Variants in PTPRK observed in about 807,000 individuals in gnomAD.
The protein encoded by PTPRK is receptor-type tyrosine-protein phosphatase kappa.
Under a neutral mutation model 178.0 loss-of-function variants are expected in PTPRK, and 75 were observed. That is an observed-to-expected ratio of 0.42 (90% CI 0.35 to 0.51). PTPRK has a LOEUF of 0.51. Among genes scored for constraint, PTPRK ranks in the 20% least tolerant of loss-of-function variants. The pLI, the probability that PTPRK is intolerant of heterozygous loss-of-function variation, is 0.02. For missense variants in PTPRK, 1,441 were observed against 1,797.8 expected, an observed-to-expected ratio of 0.80 and a Z score of 3.59; for synonymous variants, 637 against 620.6, an observed-to-expected ratio of 1.03 and a Z score of -0.39.
At chr6:128,300,423 G>A (rs981730089) in intron 3 of PTPRK, among the ~76,000 whole-genome samples, 12 of 151,870 alleles carry the variant, frequency 7.9e-5, no homozygotes, top group Admixed American at 2.0e-4. Flanking sequence ...ACATACACAC[G>A]TATGTTTATT....
At chr6:128,459,107 G>A (rs1245875062) in intron 1 of PTPRK, among the ~76,000 whole-genome samples, 1 of 152,030 alleles carries the variant, frequency 6.6e-6, no homozygotes, top group African/African-American at 2.4e-5. Flanking sequence ...TAAATGTGTT[G>A]GGAATCTTTG....
chr6:128,503,740 A>G (rs932859634), intron 1 of PTPRK, among the ~76,000 whole-genome samples: 1 of 152,146 alleles, frequency 6.6e-6, no homozygotes, highest in African/African-American at 2.4e-5. Flanking sequence ...GTGCCCAATC[A>G]CCACTCACTG....
At chr6:128,387,670 T>C (rs137862806) in intron 2 of PTPRK, among the ~76,000 whole-genome samples, 2 of 152,088 alleles carry the variant, frequency 1.3e-5, no homozygotes, top group African/African-American at 2.4e-5. Flanking sequence ...TTAAATAAAG[T>C]ATGTTCCCTT....
rs931966171 is a variant in PTPRK at position 128,457,481 on chromosome 6, A to G, written c.101-59793T>C. Among the ~76,000 whole-genome samples, 4 of 152,144 alleles carry G rather than the reference A, an allele frequency of 2.6e-5. 1 individual carries two copies. The highest frequency in any genetic ancestry group is 4.1e-4 in the South Asian group (2 of 4,832). On this transcript the variant is annotated intron_variant, in intron 1 of 29. Coordinates refer to ENST00000368226, the MANE Select transcript of PTPRK (RefSeq NM_002844.4). ...CATCAACTGCTTTCTCTGTCTTACTAAAAATATTCCCCTTGTGAAGAATAC... is the reference window on the plus strand; with the variant it reads ...CATCAACTGCTTTCTCTGTCTTACTGAAAATATTCCCCTTGTGAAGAATAC...
At chr6:128,225,119 A>G (rs1811057463) in intron 5 of PTPRK, among the ~76,000 whole-genome samples, 1 of 152,218 alleles carries the variant, frequency 6.6e-6, no homozygotes, top group African/African-American at 2.4e-5. Flanking sequence ...TTCATTTCAG[A>G]CTAAAAAGAG....
chr6:128,454,817 C>A (rs1476335225), intron 1 of PTPRK, among the ~76,000 whole-genome samples: 1 of 152,046 alleles, frequency 6.6e-6, no homozygotes, highest in African/African-American at 2.4e-5. Context: ...TAAGTTTACT[C>A]AGCTATTTTG....
intron 7 of PTPRK, among the ~76,000 whole-genome samples, chr6:128,105,233 G>A (rs555259274): frequency 4.6e-5 from 7 of 151,188 alleles, no homozygotes; most frequent in South Asian, 4.2e-4. Context: ...TCCCGGGTTC[G>A]CGCCATTCTG....
At chr6:128,032,925 C>T (rs1247401643) in intron 13 of PTPRK, among the ~76,000 whole-genome samples, 1 of 152,040 alleles carries the variant, frequency 6.6e-6, no homozygotes, top group Non-Finnish European at 1.5e-5. Flanking sequence ...TCTTGAATGA[C>T]AGATATTTTT....
At chr6:128,007,263 G>A (rs1778545794) in intron 14 of PTPRK, among the ~76,000 whole-genome samples, 1 of 150,808 alleles carries the variant, frequency 6.6e-6, no homozygotes. Flanking sequence ...TTCAAGTAAT[G>A]TAGATATAAA....
intron 11 of PTPRK, among the ~76,000 whole-genome samples, chr6:128,069,595 T>G (rs1191232776): frequency 2.0e-5 from 3 of 152,154 alleles, no homozygotes; most frequent in Non-Finnish European, 4.4e-5. Flanking sequence ...ATAAACTCCC[T>G]CATACATGCT....
intron 25 of PTPRK, among the ~76,000 whole-genome samples, chr6:127,977,687 G>T (rs948885978): frequency 6.6e-6 from 1 of 152,176 alleles, no homozygotes; most frequent in Admixed American, 6.5e-5. Flanking sequence ...CATAATGACA[G>T]TCTCAACCAT....
Position 128,385,095 on chromosome 6 carries a change from AAATATT to A in PTPRK, c.223+12465_223+12470del, listed in dbSNP as rs541294985. Among the ~76,000 whole-genome samples, 724 of 148,146 alleles carry A rather than the reference AAATATT, an allele frequency of 4.9e-3. 9 individuals carry two copies. Among genetic ancestry groups the A allele is most frequent in the African/African-American group, 0.017 (690 of 40,924 alleles). The stretch of plus-strand genomic sequence containing the variant: ...ACTATATTAATATAATTAATATTAT[AAATATT>A]AATATTAATAATTTTAAAATACTGG... On this transcript the variant is annotated intron_variant, in intron 2 of 29. Transcript: ENST00000368226.
intron 1 of PTPRK, among the ~76,000 whole-genome samples, chr6:128,476,569 T>C (rs1014173523): frequency 2.6e-5 from 4 of 151,958 alleles, no homozygotes; most frequent in Admixed American, 1.3e-4. Flanking sequence ...GTATAAACAA[T>C]ACACTGGAGA....
intron 3 of PTPRK, among the ~76,000 whole-genome samples, chr6:128,282,786 C>G (rs950515791): frequency 3.3e-5 from 5 of 152,110 alleles, no homozygotes; most frequent in Admixed American, 2.0e-4. Flanking sequence ...TAGATACCCC[C>G]AGAAAGCACT....
intron 5 of PTPRK, among the ~76,000 whole-genome samples, chr6:128,226,684 T>A (rs150168218): frequency 1.3e-5 from 2 of 150,426 alleles, no homozygotes; most frequent in East Asian, 3.9e-4. Flanking sequence ...CACAAGCACA[T>A]AAACCAATTC....
intron 3 of PTPRK, among the ~76,000 whole-genome samples, chr6:128,297,560 C>G (rs933649913): frequency 1.3e-5 from 2 of 152,078 alleles, no homozygotes; most frequent in South Asian, 2.1e-4. Context: ...TAGAACTCAG[C>G]ATTAAGAAAC....
At chr6:128,302,272 G>C (rs1825740546) in intron 3 of PTPRK, among the ~76,000 whole-genome samples, 1 of 151,500 alleles carries the variant, frequency 6.6e-6, no homozygotes, top group African/African-American at 2.4e-5. Context: ...GGCGCCTGTA[G>C]TCCCAGCTAC....
chr6:128,348,794 C>A (rs973309170), intron 2 of PTPRK, among the ~76,000 whole-genome samples: 7 of 152,084 alleles, frequency 4.6e-5, no homozygotes, highest in Middle Eastern at 6.8e-3. Context: ...ATTTGTTTAA[C>A]TTCTAAATTG....
At chr6:128,181,639 C>T (rs1028866144) in intron 7 of PTPRK, among the ~76,000 whole-genome samples, 1 of 152,010 alleles carries the variant, frequency 6.6e-6, no homozygotes, top group Non-Finnish European at 1.5e-5. Context: ...TTTTTGCAAT[C>T]TGTACTAAAA....
Sources: gnomAD v4.1 joint callset for allele counts (sites outside exome capture counted in the v4.1 genomes callset) on GRCh38, gnomAD v4.1.1 for gene constraint, MANE v1.5 for transcripts, NCBI Gene and HGNC (gene_info 2026-07-23, HGNC 2026-07-21) for gene names.